The following DPH6 variants were observed in gnomAD, a reference collection of about 807,000 sequenced individuals.
The protein encoded by DPH6 is diphthamine biosynthesis 6.
DPH6 carries 33 observed loss-of-function variants against 38.2 expected under a neutral mutation model. The ratio of observed to expected loss-of-function variants is 0.86; its 90% CI spans 0.65 to 1.15. The LOEUF (loss-of-function observed/expected upper bound fraction) is 1.15, where lower values mean the gene tolerates loss of function less well. DPH6 is among the 50% of genes most tolerant of loss of function. The pLI is 0.00. For missense variants in DPH6, 325 were observed against 320.0 expected (o/e 1.02, Z -0.12); for synonymous variants, 108 against 103.0 (o/e 1.05, Z -0.30).
downstream of DPH6, among the ~76,000 whole-genome samples, chr15:35,366,329 T>A (rs1366234968): frequency 1.3e-5 from 2 of 151,276 alleles, no homozygotes; most frequent in Admixed American, 1.3e-4. Flanking sequence ...TAGATTTCAA[T>A]CCCCCATTGT....
chr15:35,425,660 T>C (rs2053559391), intron 5 of DPH6, among the ~76,000 whole-genome samples: 1 of 127,714 alleles, frequency 7.8e-6, no homozygotes, highest in Non-Finnish European at 1.6e-5. Flanking sequence ...AAGATATATA[T>C]GGAAGTGTGT....
chr15:35,489,908 A>G (rs2054454260), intron 3 of DPH6: 6 of 967,164 alleles, frequency 6.2e-6, no homozygotes, highest in South Asian at 4.8e-5. Flanking sequence ...CTAAAAATCT[A>G]TAATGATTAC....
At chr15:35,171,215 G>A in the DPH6 span, among the ~76,000 whole-genome samples, 107,116 of 152,088 alleles carry the variant, frequency 0.7, 38,387 homozygotes, top group Middle Eastern at 0.79. Context: ...TAAATGGTTC[G>A]TCTGCCACTG....
intron 3 of DPH6, among the ~76,000 whole-genome samples, 184 bp from the exon 4 acceptor site, chr15:35,455,004 T>C (rs1283929019): frequency 3.3e-5 from 5 of 152,088 alleles, no homozygotes; most frequent in African/African-American, 9.7e-5. Context: ...CTCTCAGCTG[T>C]GAGAAAAATA....
the DPH6 span, among the ~76,000 whole-genome samples, chr15:35,176,258 G>A: frequency 6.6e-5 from 10 of 152,218 alleles, no homozygotes; most frequent in Middle Eastern, 0.01. Context: ...TTATCACTAC[G>A]TCTTTTAGGT....
At chr15:35,434,646 A>G (rs1008625123) in intron 5 of DPH6, among the ~76,000 whole-genome samples, 1 of 152,252 alleles carries the variant, frequency 6.6e-6, no homozygotes, top group African/African-American at 2.4e-5. Context: ...GCAACAATGT[A>G]TCAGGCAAAT....
chr15:35,512,437 T>C (rs1318595504), intron 3 of DPH6, among the ~76,000 whole-genome samples: 1 of 152,134 alleles, frequency 6.6e-6, no homozygotes, highest in Non-Finnish European at 1.5e-5. Flanking sequence ...TCTGTGTTCA[T>C]CCACATGGCA....
chr15:35,240,247 T>C (rs1341802748), intron 3 of DPH6, among the ~76,000 whole-genome samples: 1 of 143,440 alleles, frequency 7.0e-6, no homozygotes, highest in East Asian at 2.2e-4. Flanking sequence ...ATCTAAATAA[T>C]TCTTGTCCTA....
At chr15:35,449,384 A>C (rs1445078027) in intron 5 of DPH6, among the ~76,000 whole-genome samples, 1 of 152,102 alleles carries the variant, frequency 6.6e-6, no homozygotes, top group Non-Finnish European at 1.5e-5. Context: ...TATCGGTTAT[A>C]TACTATTAAA....
chr15:35,158,538 T>C, the DPH6 span, among the ~76,000 whole-genome samples: 12 of 152,194 alleles, frequency 7.9e-5, no homozygotes, highest in South Asian at 2.5e-3. Flanking sequence ...CTACAGCTTA[T>C]GCTGTTATAT....
chr15:35,409,703 T>G (rs932923581), intron 6 of DPH6, among the ~76,000 whole-genome samples: 2 of 151,946 alleles, frequency 1.3e-5, no homozygotes, highest in South Asian at 2.1e-4. Flanking sequence ...GATGTAAACA[T>G]GATATAATGG....
chr15:35,202,171 A>G, the DPH6 span, among the ~76,000 whole-genome samples: 1 of 151,798 alleles, frequency 6.6e-6, no homozygotes, highest in Admixed American at 6.6e-5. Context: ...TTCTTGCCTC[A>G]TTCCAGATAT....
intron 3 of DPH6, among the ~76,000 whole-genome samples, chr15:35,347,466 T>C (rs2052472920): frequency 6.6e-6 from 1 of 151,856 alleles, no homozygotes; most frequent in Non-Finnish European, 1.5e-5. Context: ...CCTTTTTTTT[T>C]TTTTTTATGA....
At chr15:35,210,177 C>A in the DPH6 span, among the ~76,000 whole-genome samples, 10 of 152,160 alleles carry the variant, frequency 6.6e-5, no homozygotes, top group Non-Finnish European at 1.2e-4. Context: ...CTTCTCCAAC[C>A]TGATACAGGA....
rs1042929786 is a variant in DPH6 at position 35,375,422 on chromosome 15, A to C, written c.663-1814T>G. On this transcript the variant is annotated intron_variant, in intron 7 of 8. Coordinates refer to ENST00000256538, the MANE Select transcript of DPH6 (RefSeq NM_080650.4). ...ACAGCTTTCAGTTTCAAGCAGAATAATACCACTCACTATTGCTCTTCTCTC... is the reference window on the plus strand; with the variant it reads ...ACAGCTTTCAGTTTCAAGCAGAATACTACCACTCACTATTGCTCTTCTCTC... Among the ~76,000 whole-genome samples the C allele has an allele frequency of 1.2e-4, 19 of 152,120 alleles. 1 individual carries two copies. The highest frequency in any genetic ancestry group is 1.0e-3 in the South Asian group (5 of 4,828).
At chr15:35,407,083 C>G (rs552588758) in intron 6 of DPH6, among the ~76,000 whole-genome samples, 1 of 152,104 alleles carries the variant, frequency 6.6e-6, no homozygotes, top group South Asian at 2.1e-4. Flanking sequence ...AAGCAACACA[C>G]TCTTTCAGAG....
intron 3 of DPH6, among the ~76,000 whole-genome samples, chr15:35,272,078 G>A (rs1566856156): frequency 6.6e-6 from 1 of 152,024 alleles, no homozygotes; most frequent in Non-Finnish European, 1.5e-5. Context: ...TTCTGCTTCT[G>A]TGGATTCAAC....
At position 35,376,835 on chromosome 15, in the gene DPH6, T is replaced by C. The variant is rs536311893; in HGVS notation, c.663-3227A>G. ...AGCCTAGGAGCATACAGCCTAGGTA[T>C]GTAGTAGGCTATACCATCTATATTT... is the stretch of plus-strand genomic sequence containing the variant. On this transcript the variant is annotated intron_variant, in intron 7 of 8. Coordinates refer to ENST00000256538, the MANE Select transcript of DPH6 (RefSeq NM_080650.4). Among the ~76,000 whole-genome samples the C allele has an allele frequency of 3.9e-5, 6 of 152,304 alleles. No individual in the cohort carries two copies. The South Asian group carries it at 1.2e-3, about 32-fold the overall frequency.
At chr15:35,515,391 G>A (rs574837820) in intron 3 of DPH6, among the ~76,000 whole-genome samples, 27 of 152,022 alleles carry the variant, frequency 1.8e-4, no homozygotes, top group Non-Finnish European at 2.5e-4. Flanking sequence ...CCAGAGGTTC[G>A]TGACCAGCCT....
Sources: allele counts gnomAD v4.1 joint callset (sites outside exome capture counted in the v4.1 genomes callset), GRCh38; gene constraint gnomAD v4.1.1; transcripts MANE v1.5; gene names NCBI Gene and HGNC (gene_info 2026-07-23, HGNC 2026-07-21).